The following ADCY2 variants were observed in gnomAD, a reference collection of about 807,000 sequenced individuals.
The protein encoded by ADCY2 is adenylate cyclase 2.
Under a neutral mutation model 125.2 loss-of-function variants are expected in ADCY2, and 31 were observed. That is an observed-to-expected ratio of 0.25 (90% CI 0.19 to 0.33). ADCY2 has a LOEUF of 0.33. Among genes scored for constraint, ADCY2 ranks in the 10% least tolerant of loss-of-function variants. ADCY2 has a pLI of 1.00. For missense variants in ADCY2, 904 were observed against 1,418.2 expected (o/e 0.64, Z 5.82); for synonymous variants, 512 against 548.4 (o/e 0.93, Z 0.93).
At chr5:7,551,044 T>C (rs1453443677) in intron 3 of ADCY2, among the ~76,000 whole-genome samples, 16 of 120,550 alleles carry the variant, frequency 1.3e-4, no homozygotes, top group African/African-American at 3.7e-4. Flanking sequence ...CTTCCTCCCT[T>C]CCTTCCTTCC....
intron 14 of ADCY2, among the ~76,000 whole-genome samples, chr5:7,732,309 G>T (rs1401129613): frequency 6.6e-6 from 1 of 152,216 alleles, no homozygotes; most frequent in Admixed American, 6.5e-5. Flanking sequence ...GACTGGTGGA[G>T]AGGTTTTCTG....
At chr5:7,623,057 C>T (rs1212191756) in intron 3 of ADCY2, among the ~76,000 whole-genome samples, 3 of 152,286 alleles carry the variant, frequency 2.0e-5, no homozygotes, top group African/African-American at 7.2e-5. Flanking sequence ...CACTCACATT[C>T]CAGAGGATAG....
At position 7,774,200 on chromosome 5, in the gene ADCY2, C is replaced by T. The variant is rs556723052; in HGVS notation, c.2384+1099C>T. Among the ~76,000 whole-genome samples the T allele has an allele frequency of 5.3e-5, 8 of 152,326 alleles. No homozygotes were observed. In the East Asian group the frequency reaches 1.5e-3, roughly 29 times the overall value. On this transcript the variant is annotated intron_variant, in intron 18 of 24. Coordinates refer to ENST00000338316, the MANE Select transcript of ADCY2 (RefSeq NM_020546.3). The stretch of plus-strand genomic sequence containing the variant: ...CCAATAAGAACCTTTGCAGAAGGTG[C>T]AACCCATTCTTTTCACCTAATTTAA...
At chr5:7,751,963 C>T (rs1429720906) in intron 15 of ADCY2, among the ~76,000 whole-genome samples, 1 of 152,124 alleles carries the variant, frequency 6.6e-6, no homozygotes, top group Non-Finnish European at 1.5e-5. Context: ...CGAGTTCCTA[C>T]CATTTAACAA....
At chr5:7,572,973 G>A (rs1253414237) in intron 3 of ADCY2, among the ~76,000 whole-genome samples, 1 of 152,058 alleles carries the variant, frequency 6.6e-6, no homozygotes, top group African/African-American at 2.4e-5. Flanking sequence ...GGTCTTTAGG[G>A]TGGGCTGTAA....
intron 3 of ADCY2, among the ~76,000 whole-genome samples, chr5:7,573,579 A>C (rs1259702976): frequency 7.2e-6 from 1 of 138,628 alleles, no homozygotes; most frequent in Admixed American, 7.0e-5. Context: ...CCTCTGGGAT[A>C]CAGGGTTGAT....
At chr5:7,513,658 G>T (rs1171201758) in intron 2 of ADCY2, among the ~76,000 whole-genome samples, 1 of 152,042 alleles carries the variant, frequency 6.6e-6, no homozygotes, top group African/African-American at 2.4e-5. Context: ...AATTTCCTTG[G>T]ACTATTTTTA....
chr5:7,633,027 C>T (rs997471199), intron 4 of ADCY2, among the ~76,000 whole-genome samples: 4 of 151,958 alleles, frequency 2.6e-5, no homozygotes, highest in African/African-American at 7.3e-5. Flanking sequence ...AAGGAACTCT[C>T]AGGAATCACT....
intron 3 of ADCY2, among the ~76,000 whole-genome samples, chr5:7,610,344 C>T (rs1409055708): frequency 6.6e-6 from 1 of 152,152 alleles, no homozygotes; most frequent in African/African-American, 2.4e-5. Context: ...GCCAGGGCAG[C>T]TGAGGCAGGC....
At chr5:7,403,632 ACT>A (rs1262223078) in intron 1 of ADCY2, among the ~76,000 whole-genome samples, 3 of 151,970 alleles carry the variant, frequency 2.0e-5, no homozygotes, top group African/African-American at 7.3e-5. Context: ...ATTCCATTCT[ACT>A]CTCTATCCTC....
At chr5:7,822,732 G>A (rs1333138619) in intron 24 of ADCY2, among the ~76,000 whole-genome samples, 1 of 152,128 alleles carries the variant, frequency 6.6e-6, no homozygotes, top group Non-Finnish European at 1.5e-5. Flanking sequence ...ATGCATGTGT[G>A]TGTGTGTGTG....
chr5:7,655,155 C>G (rs572843302), intron 4 of ADCY2, among the ~76,000 whole-genome samples: 1 of 152,304 alleles, frequency 6.6e-6, no homozygotes, highest in South Asian at 2.1e-4. Context: ...CCAACAGTAA[C>G]TGTAAAGTGG....
intron 4 of ADCY2, among the ~76,000 whole-genome samples, chr5:7,682,696 A>G (rs1247291918): frequency 1.3e-5 from 2 of 152,114 alleles, no homozygotes; most frequent in African/African-American, 4.8e-5. Context: ...TCCTTTTCTT[A>G]TGCTTTTCAG....
At chr5:7,803,867 T>C (rs1277648925) in intron 21 of ADCY2, among the ~76,000 whole-genome samples, 1 of 151,606 alleles carries the variant, frequency 6.6e-6, no homozygotes, top group Non-Finnish European at 1.5e-5. Context: ...ACCACTGCAC[T>C]CCAGCTAGGG....
intron 7 of ADCY2, among the ~76,000 whole-genome samples, chr5:7,699,036 C>T (rs1284831241): frequency 6.9e-6 from 1 of 145,030 alleles, no homozygotes; most frequent in Non-Finnish European, 1.5e-5. Context: ...TCTCCACATC[C>T]TCTCCAGCAT....
intron 17 of ADCY2, among the ~76,000 whole-genome samples, chr5:7,767,345 T>C (rs1280198265): frequency 6.6e-6 from 1 of 152,194 alleles, no homozygotes; most frequent in East Asian, 1.9e-4. Context: ...CACATTAGTC[T>C]TCTAAGTGGA....
intron 3 of ADCY2, among the ~76,000 whole-genome samples, chr5:7,573,712 G>T (rs1389907657): frequency 2.7e-5 from 4 of 148,456 alleles, no homozygotes; most frequent in African/African-American, 9.9e-5. Flanking sequence ...GAGTTAGATT[G>T]TGCAGTTGCC....
chr5:7,669,609 G>T (rs1226865530), intron 4 of ADCY2, among the ~76,000 whole-genome samples: 1 of 152,158 alleles, frequency 6.6e-6, no homozygotes, highest in Non-Finnish European at 1.5e-5. Context: ...GAATAGAATA[G>T]AAAATGTCAG....
Position 7,802,467 on chromosome 5 carries a change from C to A in ADCY2, c.2775+103C>A. ...AGTGGCCTATCCCAAAAAAACTTGTCCTTTGGCATAATTTCTGGCAGATGG... is the reference window on the plus strand; with the variant it reads ...AGTGGCCTATCCCAAAAAAACTTGTACTTTGGCATAATTTCTGGCAGATGG... On this transcript the variant is annotated intron_variant, in intron 21 of 24. Transcript: ENST00000338316. The surrounding 1 kb of genome is among the most constrained non-coding windows in gnomAD (Gnocchi z 4.6). 1 of 1,342,080 alleles carries A rather than the reference C, an allele frequency of 7.5e-7. No individual in the cohort carries two copies. Among genetic ancestry groups the A allele is most frequent in the Non-Finnish European group, 1.0e-6 (1 of 995,178 alleles). The allele number at this position is 1,342,080 out of a possible 1,614,324, so 83.1% of individuals were successfully genotyped here. A position where few individuals can be genotyped will look rare whatever the true frequency, so the allele number is the denominator to read the frequency against.
Sources: gnomAD v4.1 joint callset for allele counts (sites outside exome capture counted in the v4.1 genomes callset) on GRCh38, gnomAD v4.1.1 for gene constraint, Gnocchi (gnomAD v3.1) non-coding constraint, MANE v1.5 for transcripts, NCBI Gene and HGNC (gene_info 2026-07-23, HGNC 2026-07-21) for gene names.